Variants in SCMH1 observed in about 807,000 individuals in gnomAD.
The protein encoded by SCMH1 is polycomb protein SCMH1.
Under a neutral mutation model 70.8 loss-of-function variants are expected in SCMH1, and 37 were observed. That is an observed-to-expected ratio of 0.52 (90% CI 0.40 to 0.69). SCMH1 has a LOEUF of 0.69. Among genes scored for constraint, SCMH1 ranks in the 30% least tolerant of loss-of-function variants. The pLI is 0.00. For missense variants in SCMH1, 607 were observed against 827.3 expected (o/e 0.73, Z 3.27); for synonymous variants, 292 against 307.4 (o/e 0.95, Z 0.52).
exon 13 of SCMH1, chr1:41,037,535 G>T: frequency 6.2e-7 from 1 of 1,613,720 alleles, no homozygotes; most frequent in Non-Finnish European, 8.5e-7. Flanking sequence ...CAGGACAAAG[G>T]TTTCACCTGA....
At chr1:41,088,986 A>G (rs1282680859) in intron 8 of SCMH1, among the ~76,000 whole-genome samples, 1 of 152,130 alleles carries the variant, frequency 6.6e-6, no homozygotes, top group Admixed American at 6.6e-5. Flanking sequence ...GTGGTTCTTA[A>G]ACTTTAGTCT....
At chr1:41,093,324 G>A (rs12736881) in intron 8 of SCMH1, among the ~76,000 whole-genome samples, 16,079 of 145,828 alleles carry the variant, frequency 0.11, 1,240 homozygotes, top group East Asian at 0.29. Context: ...ATTCAACAAT[G>A]AGATCACTTG....
chr1:41,126,800 T>C (rs1042012464), intron 6 of SCMH1, among the ~76,000 whole-genome samples: 2 of 152,190 alleles, frequency 1.3e-5, no homozygotes, highest in African/African-American at 4.8e-5. Flanking sequence ...ATTCAATCAA[T>C]CTCTTAATGT....
chr1:41,037,767 GA>G (rs1645510579), intron 12 of SCMH1, among the ~76,000 whole-genome samples: 1 of 152,166 alleles, frequency 6.6e-6, no homozygotes, highest in African/African-American at 2.4e-5. Flanking sequence ...TCTTAGACTA[GA>G]TGGTCTTTGA....
chr1:41,235,520 G>A (rs1489947996), intron 1 of SCMH1, among the ~76,000 whole-genome samples: 3 of 136,932 alleles, frequency 2.2e-5, no homozygotes, highest in Non-Finnish European at 3.0e-5. Context: ...GCAGTGAGCC[G>A]AGATCGCACC....
intron 6 of SCMH1, among the ~76,000 whole-genome samples, chr1:41,125,309 G>A (rs906805540): frequency 2.6e-5 from 4 of 151,408 alleles, no homozygotes; most frequent in African/African-American, 9.7e-5. Context: ...TAGACTTCCC[G>A]GGCTCAGCTG....
Position 41,167,192 on chromosome 1 carries a change from G to A in SCMH1, c.14-5760C>T, listed in dbSNP as rs544924232. ...AGGGCAAATCCCACTTAATCATGGT[G>A]AATGATCCTTTTAATATACTACGGA... On this transcript the variant is annotated intron_variant, in intron 2 of 14. Coordinates refer to ENST00000337495, the Ensembl canonical transcript of SCMH1. Among the ~76,000 whole-genome samples the A allele has an allele frequency of 2.0e-5, 3 of 152,200 alleles. No homozygotes were observed. In the South Asian group the frequency reaches 6.2e-4, roughly 32 times the overall value.
At chr1:41,224,402 T>A (rs1050594318) in intron 1 of SCMH1, among the ~76,000 whole-genome samples, 1 of 152,224 alleles carries the variant, frequency 6.6e-6, no homozygotes, top group African/African-American at 2.4e-5. Context: ...GTGATTATTG[T>A]ATCTCCATTT....
chr1:41,037,452 C>G (rs1645460783), exon 13 of SCMH1: 1 of 1,614,100 alleles, frequency 6.2e-7, no homozygotes. Flanking sequence ...GAGGTGCTGA[C>G]AAGGTTGGTG....
intron 10 of SCMH1, among the ~76,000 whole-genome samples, chr1:41,052,194 A>G (rs1381593630): frequency 6.6e-6 from 1 of 152,098 alleles, no homozygotes; most frequent in Non-Finnish European, 1.5e-5. Context: ...GGGGTCCCCA[A>G]CCCCCAGGCT....
intron 10 of SCMH1, among the ~76,000 whole-genome samples, chr1:41,054,894 C>G (rs1649667914): frequency 1.3e-5 from 2 of 152,146 alleles, no homozygotes; most frequent in African/African-American, 4.8e-5. Flanking sequence ...ACCAGTCCTC[C>G]CACCTCAGCC....
In SCMH1 at chr1:41,103,437, C is replaced by T. The variant is rs921587213; in HGVS notation, c.745+9846G>A. Among the ~76,000 whole-genome samples, 32 of 152,072 alleles carry T rather than the reference C, an allele frequency of 2.1e-4. 1 individual carries two copies. Among genetic ancestry groups the T allele is most frequent in the Admixed American group, 1.7e-3 (26 of 15,266 alleles). ...GATTATAGGCATGAGCCACTGCGCC[C>T]GGCCCAAGGGAAGAAATTTAGTAAC... On this transcript the variant is annotated intron_variant, in intron 8 of 14. Transcript: ENST00000337495.
At chr1:41,120,162 A>G (rs907848103) in intron 6 of SCMH1, among the ~76,000 whole-genome samples, 3 of 152,164 alleles carry the variant, frequency 2.0e-5, no homozygotes, top group Admixed American at 2.0e-4. Flanking sequence ...ATCAATGACT[A>G]GAGTGCCTAG....
chr1:41,240,861 G>T (rs1663371909), intron 1 of SCMH1, among the ~76,000 whole-genome samples: 1 of 151,478 alleles, frequency 6.6e-6, no homozygotes, highest in South Asian at 2.1e-4. Context: ...AACTTACTAC[G>T]TTTTGTCTCC....
At chr1:41,220,231 C>T (rs948291074) in intron 1 of SCMH1, among the ~76,000 whole-genome samples, 3 of 152,210 alleles carry the variant, frequency 2.0e-5, no homozygotes, top group South Asian at 2.1e-4. Context: ...GCTTTAATCA[C>T]TCCTCACTGA....
intron 11 of SCMH1, among the ~76,000 whole-genome samples, chr1:41,047,212 C>A (rs1646971908): frequency 6.6e-6 from 1 of 152,078 alleles, no homozygotes; most frequent in Admixed American, 6.6e-5. Flanking sequence ...ATAGGTCATT[C>A]TCAAGAACCA....
At chr1:41,072,076 C>T (rs1184891906) in intron 9 of SCMH1, among the ~76,000 whole-genome samples, 1 of 152,186 alleles carries the variant, frequency 6.6e-6, no homozygotes, top group Admixed American at 6.5e-5. Context: ...ACCTGTCTGC[C>T]TTCTAGGAGT....
At chr1:41,062,012 A>G (rs1034567465) in intron 10 of SCMH1, among the ~76,000 whole-genome samples, 4 of 151,974 alleles carry the variant, frequency 2.6e-5, no homozygotes, top group African/African-American at 9.7e-5. Flanking sequence ...CCACAGGTGC[A>G]TGCCACCACA....
chr1:41,109,471 C>T (rs999956139), intron 8 of SCMH1, among the ~76,000 whole-genome samples: 1 of 152,274 alleles, frequency 6.6e-6, no homozygotes, highest in East Asian at 1.9e-4. Context: ...CACATTTTTT[C>T]CACATTGCAT....
Sources: allele counts gnomAD v4.1 joint callset (sites outside exome capture counted in the v4.1 genomes callset), GRCh38; gene constraint gnomAD v4.1.1; transcripts MANE v1.5; gene names NCBI Gene and HGNC (gene_info 2026-07-23, HGNC 2026-07-21).